The following NRXN3 variants were observed in gnomAD, a reference collection of about 807,000 sequenced individuals.
The protein encoded by NRXN3 is neurexin 3.
In NRXN3, 32 loss-of-function variants were observed where a neutral mutation model predicts 137.6. The ratio of observed to expected loss-of-function variants is 0.23; its 90% CI spans 0.18 to 0.31. The LOEUF is 0.31. NRXN3 is among the 10% of genes least tolerant of loss of function. The pLI, the probability that NRXN3 is intolerant of heterozygous loss-of-function variation, is 1.00. For synonymous variants in NRXN3, 798 were observed against 784.5 expected (o/e 1.02, Z -0.29); for missense variants, 1,574 against 2,062.5 (o/e 0.76, Z 4.59).
intron 15 of NRXN3, among the ~76,000 whole-genome samples, chr14:79,099,587 CTTTA>C (rs2050911466): frequency 5.3e-5 from 8 of 152,046 alleles, no homozygotes; most frequent in Admixed American, 5.2e-4. Context: ...AAAATGCCAC[CTTTA>C]TTTAGGATCA....
chr14:79,120,648 T>A (rs528774539), intron 15 of NRXN3, among the ~76,000 whole-genome samples: 17 of 152,260 alleles, frequency 1.1e-4, no homozygotes, highest in Admixed American at 1.1e-3. Context: ...AATTGATTTA[T>A]CCTCCTCACT....
intron 8 of NRXN3, among the ~76,000 whole-genome samples, chr14:78,793,396 A>C (rs2153057132): frequency 6.6e-6 from 1 of 152,292 alleles, no homozygotes; most frequent in South Asian, 2.1e-4. Flanking sequence ...GGTCCCCCAA[A>C]CCACCCTCAA....
At chr14:79,018,870 C>A (rs1031118912) in intron 15 of NRXN3, among the ~76,000 whole-genome samples, 1 of 152,148 alleles carries the variant, frequency 6.6e-6, no homozygotes, top group Non-Finnish European at 1.5e-5. Context: ...TTACTGAGCA[C>A]CCCTGCCCTG....
chr14:78,692,488 C>G (rs2098181076), intron 6 of NRXN3, among the ~76,000 whole-genome samples: 1 of 152,116 alleles, frequency 6.6e-6, no homozygotes, highest in African/African-American at 2.4e-5. Flanking sequence ...ATAGGATTCC[C>G]TAGATGGGGA....
chr14:79,480,651 ATGTCC>A (rs2096599214), intron 16 of NRXN3, among the ~76,000 whole-genome samples: 1 of 152,108 alleles, frequency 6.6e-6, no homozygotes, highest in Non-Finnish European at 1.5e-5. Flanking sequence ...CCCCATCCAA[ATGTCC>A]TGTTCAATTG....
At chr14:79,537,981 A>G (rs2097230313) in intron 16 of NRXN3, among the ~76,000 whole-genome samples, 1 of 152,130 alleles carries the variant, frequency 6.6e-6, no homozygotes, top group Admixed American at 6.6e-5. Context: ...AATGATTACC[A>G]TTCTAACTGG....
chr14:79,387,826 C>T (rs1043317793), intron 15 of NRXN3, among the ~76,000 whole-genome samples: 42 of 151,614 alleles, frequency 2.8e-4, no homozygotes, highest in Non-Finnish European at 5.0e-4. Flanking sequence ...AAGCTGGAAA[C>T]CATCATTCTC....
intron 15 of NRXN3, among the ~76,000 whole-genome samples, chr14:79,392,984 A>T (rs1214200734): frequency 6.6e-6 from 1 of 151,446 alleles, no homozygotes; most frequent in African/African-American, 2.4e-5. Context: ...AAAAAAAAAA[A>T]AAAAAAAATT....
chr14:78,518,147 G>A (rs2096237684), intron 4 of NRXN3, among the ~76,000 whole-genome samples: 1 of 152,116 alleles, frequency 6.6e-6, no homozygotes, highest in African/African-American at 2.4e-5. Flanking sequence ...GTCTATTTGG[G>A]GAGTTAAGGC....
At chr14:79,673,966 G>T (rs1396823694) in intron 17 of NRXN3, among the ~76,000 whole-genome samples, 1 of 152,000 alleles carries the variant, frequency 6.6e-6, no homozygotes, top group Non-Finnish European at 1.5e-5. Flanking sequence ...TGTCTTAGAA[G>T]GCAAACCCAA....
Position 79,415,160 on chromosome 14 carries a change from T to A in NRXN3, c.3263-52061T>A, listed in dbSNP as rs905871860. ...CACGGACACTCAGGTTGATATAATG[T>A]CTTGGCTTTTGTGAATAATGCTGCA... On this transcript the variant is annotated intron_variant, in intron 15 of 20. Transcript: ENST00000335750. Among the ~76,000 whole-genome samples, 5 of 152,284 alleles carry A rather than the reference T, an allele frequency of 3.3e-5. No individual in the cohort carries two copies. The South Asian group carries it at 8.3e-4, about 25-fold the overall frequency.
At chr14:78,638,142 C>T (rs74764513) in intron 4 of NRXN3, among the ~76,000 whole-genome samples, 10 of 152,286 alleles carry the variant, frequency 6.6e-5, no homozygotes, top group Non-Finnish European at 1.2e-4. Context: ...TTTCAAGAAG[C>T]ATCTGCAGGC....
chr14:79,031,073 A>G (rs1472022981), intron 15 of NRXN3, among the ~76,000 whole-genome samples: 1 of 152,114 alleles, frequency 6.6e-6, no homozygotes, highest in East Asian at 1.9e-4. Flanking sequence ...CATCTGGATT[A>G]AGTTTCTATC....
intron 15 of NRXN3, among the ~76,000 whole-genome samples, chr14:79,240,633 C>G (rs1051391733): frequency 6.6e-6 from 1 of 152,254 alleles, no homozygotes; most frequent in Non-Finnish European, 1.5e-5. Flanking sequence ...TTTCTTCTGA[C>G]AACTTTGTGG....
intron 4 of NRXN3, among the ~76,000 whole-genome samples, chr14:78,443,665 C>T (rs1471272631): frequency 6.6e-6 from 1 of 152,092 alleles, no homozygotes; most frequent in Non-Finnish European, 1.5e-5. Flanking sequence ...ACTTAATATC[C>T]ATATTGGTTT....
At chr14:79,773,340 G>A (rs562038885) in intron 19 of NRXN3, among the ~76,000 whole-genome samples, 1 of 152,140 alleles carries the variant, frequency 6.6e-6, no homozygotes, top group Admixed American at 6.5e-5. Flanking sequence ...TATGTTTATT[G>A]CGGCATTATT....
chr14:79,060,866 G>A (rs2099673379), intron 15 of NRXN3, among the ~76,000 whole-genome samples: 1 of 151,910 alleles, frequency 6.6e-6, no homozygotes, highest in Admixed American at 6.6e-5. Context: ...ACTAGATTAG[G>A]GTGGAGAAGT....
chr14:79,271,972 G>T (rs910055622), intron 15 of NRXN3, among the ~76,000 whole-genome samples: 1 of 152,156 alleles, frequency 6.6e-6, no homozygotes, highest in Non-Finnish European at 1.5e-5. Flanking sequence ...AAGGTAACTT[G>T]TTCAAAGTCA....
chr14:79,567,931 C>A (rs1813998542), intron 16 of NRXN3, among the ~76,000 whole-genome samples: 1 of 152,060 alleles, frequency 6.6e-6, no homozygotes, highest in South Asian at 2.1e-4. Context: ...AAAACTAGGG[C>A]TGAAATCACA....
Sources: allele counts gnomAD v4.1 joint callset (sites outside exome capture counted in the v4.1 genomes callset), GRCh38; gene constraint gnomAD v4.1.1; transcripts MANE v1.5; gene names NCBI Gene and HGNC (gene_info 2026-07-23, HGNC 2026-07-21).